PSMA1: variants seen among roughly 807,000 people sequenced by gnomAD.
PSMA1 encodes the protein proteasome 20S subunit alpha 1.
In PSMA1, 3 loss-of-function variants were observed where a neutral mutation model predicts 38.4. That is an observed-to-expected ratio of 0.08 (90% CI 0.04 to 0.20). PSMA1 has a LOEUF of 0.20. PSMA1 is among the 10% of genes least tolerant of loss of function. PSMA1 has a pLI of 1.00. For missense variants in PSMA1, 227 were observed against 325.3 expected (o/e 0.70, Z 2.32); for synonymous variants, 101 against 107.1 (o/e 0.94, Z 0.35).
chr11:14,536,699 C>T (rs1301636554), intron 2 of PSMA1, among the ~76,000 whole-genome samples: 1 of 152,068 alleles, frequency 6.6e-6, no homozygotes, highest in Non-Finnish European at 1.5e-5. Flanking sequence ...GCAAGCTCCG[C>T]CTCCTGAGTT....
intron 1 of PSMA1, among the ~76,000 whole-genome samples, chr11:14,631,645 G>T (rs1285997814): frequency 6.6e-6 from 1 of 152,192 alleles, no homozygotes. Context: ...ATATTCTGTT[G>T]ATTTGGGGTG....
At chr11:14,506,769 G>C (rs1413175844) in intron 9 of PSMA1, among the ~76,000 whole-genome samples, 2 of 152,146 alleles carry the variant, frequency 1.3e-5, no homozygotes, top group Non-Finnish European at 2.9e-5. Context: ...CTGCATCTCA[G>C]CCTTAAGAAT....
At position 14,573,919 on chromosome 11, in the gene PSMA1, T is replaced by G. The variant is rs190258513; in HGVS notation, c.21+37047A>C. ...TCTAGACATCTGTGGAACTTTGAATTTGAGATATATGATTTAGAGTATCGG... is the reference window on the plus strand; with the variant it reads ...TCTAGACATCTGTGGAACTTTGAATGTGAGATATATGATTTAGAGTATCGG... On this transcript the variant is annotated intron_variant, in intron 2 of 10. Coordinates refer to the PSMA1 transcript ENST00000418988. Among the ~76,000 whole-genome samples the G allele has an allele frequency of 9.9e-5, 15 of 152,234 alleles. No homozygotes were observed. In the East Asian group the frequency reaches 2.1e-3, roughly 22 times the overall value.
At position 14,621,739 on chromosome 11, in the gene PSMA1, A is replaced by T. The variant is rs149663780; in HGVS notation, c.-165-10588T>A. On this transcript the variant is annotated intron_variant, in intron 1 of 10. Coordinates refer to the PSMA1 transcript ENST00000418988. ...CCTTGGAAACCTCACATTCTCAGAAAAATATTGCAGACTCTTTCACTTTAA... is the reference window on the plus strand; with the variant it reads ...CCTTGGAAACCTCACATTCTCAGAATAATATTGCAGACTCTTTCACTTTAA... 9.9e-3 allele frequency among the ~76,000 whole-genome samples: 1,514 copies of T among 152,322 alleles called. 15 individuals carry two copies. The highest frequency in any genetic ancestry group is 0.012 in the Non-Finnish European group (815 of 68,030).
At chr11:14,622,184 T>C (rs563464801) in intron 1 of PSMA1, among the ~76,000 whole-genome samples, 1 of 152,324 alleles carries the variant, frequency 6.6e-6, no homozygotes, top group African/African-American at 2.4e-5. Context: ...CACTGTGTGA[T>C]TAATAGAACA....
chr11:14,536,395 T>C (rs569689796), intron 2 of PSMA1, among the ~76,000 whole-genome samples: 86 of 151,670 alleles, frequency 5.7e-4, no homozygotes, highest in Non-Finnish European at 1.1e-3. Context: ...GGCTTGGTGG[T>C]GAGCGCCTGT....
rs191407710 is a variant in PSMA1, at chr11:14,546,136, C to T, written c.22-27095G>A. 1.1e-3 allele frequency among the ~76,000 whole-genome samples: 163 copies of T among 146,988 alleles called. No homozygotes were observed. The East Asian group carries it at 0.016, about 15-fold the overall frequency. ...TCTTGTTACCTAATTCTACCTTTCT[C>T]TCTCTCTCTCTCTCTTTTTTTTTTT... On this transcript the variant is annotated intron_variant, in intron 2 of 10. Transcript: ENST00000418988.
At chr11:14,562,483 A>G (rs1205928140) in intron 2 of PSMA1, among the ~76,000 whole-genome samples, 1 of 152,226 alleles carries the variant, frequency 6.6e-6, no homozygotes, top group Non-Finnish European at 1.5e-5. Context: ...ATACTGGCTC[A>G]GAACAGCTCC....
At chr11:14,512,666 A>G (rs537507344) in intron 7 of PSMA1, among the ~76,000 whole-genome samples, 85 of 152,204 alleles carry the variant, frequency 5.6e-4, no homozygotes, top group African/African-American at 2.0e-3. Context: ...AGGAAAGAGC[A>G]TAAGGAAGCC....
chr11:14,591,059 G>C (rs1343309626), intron 2 of PSMA1, among the ~76,000 whole-genome samples: 1 of 152,236 alleles, frequency 6.6e-6, no homozygotes, highest in Non-Finnish European at 1.5e-5. Context: ...GCTTGCAGTG[G>C]AGGGAGAGGC....
At chr11:14,591,892 G>C (rs192243022) in intron 2 of PSMA1, among the ~76,000 whole-genome samples, 68 of 152,224 alleles carry the variant, frequency 4.5e-4, no homozygotes, top group African/African-American at 1.5e-3. Context: ...TGGAAGGTTT[G>C]TTCTTTTGGT....
rs140390862 is a variant in PSMA1 at position 14,569,235 on chromosome 11, G to C, written c.21+41731C>G. ...GCTTTGCTGCTTAGAAATTTCTTCT[G>C]CTGGGGGGAGGTTCAAAGATGGCCA... On this transcript the variant is annotated intron_variant, in intron 2 of 10. Transcript: ENST00000418988. Among the ~76,000 whole-genome samples the C allele has an allele frequency of 4.7e-3, 709 of 152,128 alleles. 4 individuals carry two copies. Among genetic ancestry groups the C allele is most frequent in the African/African-American group, 0.016 (681 of 41,506 alleles).
chr11:14,611,578 C>A (rs1852709176), intron 1 of PSMA1, among the ~76,000 whole-genome samples: 1 of 152,096 alleles, frequency 6.6e-6, no homozygotes, highest in Non-Finnish European at 1.5e-5. Context: ...TTAAACTGTC[C>A]TTAAAATCAT....
intron 2 of PSMA1, among the ~76,000 whole-genome samples, chr11:14,558,294 C>T (rs1263504758): frequency 1.3e-5 from 2 of 150,214 alleles, no homozygotes; most frequent in African/African-American, 4.9e-5. Context: ...TGGCACACAT[C>T]TGTAGTCCCA....
intron 2 of PSMA1, among the ~76,000 whole-genome samples, chr11:14,582,684 A>ATTTT (rs71044011): frequency 7.2e-6 from 1 of 138,838 alleles, no homozygotes; most frequent in Non-Finnish European, 1.5e-5. Context: ...GGCCCAGCTA[A>ATTTT]TTTTTTTTTT....
chr11:14,533,716 C>A (rs1333307534), intron 2 of PSMA1, among the ~76,000 whole-genome samples: 1 of 150,840 alleles, frequency 6.6e-6, no homozygotes, highest in Non-Finnish European at 1.5e-5. Flanking sequence ...CTGAGCTTGG[C>A]CCAGACTTCT....
chr11:14,513,552 A>AGC lies in PSMA1; in HGVS notation c.544+16_544+17dup. 1.5e-6 allele frequency: 2 copies of AGC among 1,375,042 alleles called. No homozygotes were observed. The highest frequency in any genetic ancestry group is 1.9e-6 in the Non-Finnish European group (2 of 1,065,484). 85.2% of individuals were successfully genotyped at this position (1,375,042 alleles called of 1,614,324 possible). ...AAAGGCAAAAAAAAAAAAAAAAAAA[A>AGC]GCAAGGCTGTCACTTACACTCCATA... On this transcript the variant is annotated intron_variant, in intron 7 of 9. Transcript: ENST00000396394.
At position 14,543,122 on chromosome 11, in the gene PSMA1, T is replaced by C. The variant is rs576245991; in HGVS notation, c.22-24081A>G. 8.5e-5 allele frequency among the ~76,000 whole-genome samples: 13 copies of C among 152,326 alleles called. No individual in the cohort carries two copies. In the East Asian group the frequency reaches 2.5e-3, roughly 29 times the overall value. On this transcript the variant is annotated intron_variant, in intron 2 of 10. Transcript: ENST00000418988. ...CTGGGATTACAAGCGTGAGCCACTG[T>C]GCCCTGCCAGAATAAGGTTTTTAAG... is the stretch of plus-strand genomic sequence containing the variant.
At chr11:14,549,045 T>C (rs1851858184) in intron 2 of PSMA1, among the ~76,000 whole-genome samples, 1 of 152,188 alleles carries the variant, frequency 6.6e-6, no homozygotes, top group Non-Finnish European at 1.5e-5. Context: ...GCCCTGATGG[T>C]TGCTATTACT....
Sources: gnomAD v4.1 joint callset for allele counts (sites outside exome capture counted in the v4.1 genomes callset) on GRCh38, gnomAD v4.1.1 for gene constraint, MANE v1.5 for transcripts, NCBI Gene and HGNC (gene_info 2026-07-23, HGNC 2026-07-21) for gene names.